The following OSBPL11 variants were observed in gnomAD, a reference collection of about 807,000 sequenced individuals.
OSBPL11 encodes oxysterol-binding protein-related protein 11.
In OSBPL11, 33 loss-of-function variants were observed where a neutral mutation model predicts 84.4. That is an observed-to-expected ratio of 0.39 (90% CI 0.30 to 0.52). OSBPL11 has a LOEUF of 0.52. OSBPL11 is among the 20% of genes least tolerant of loss of function. The pLI is 0.72. For synonymous variants in OSBPL11, 276 were observed against 310.2 expected (o/e 0.89, Z 1.16); for missense variants, 736 against 901.1 (o/e 0.82, Z 2.35).
intron 5 of OSBPL11, among the ~76,000 whole-genome samples, chr3:125,575,877 TAC>T (rs1378503777): frequency 6.6e-6 from 1 of 151,490 alleles, no homozygotes; most frequent in Non-Finnish European, 1.5e-5. Flanking sequence ...TGTTTGGCTA[TAC>T]AGTCTTCCCA....
rs746214268 is a variant in OSBPL11 at position 125,563,820 on chromosome 3, G to C, written c.892C>G (p.Pro298Ala). Reference protein sequence around the residue: ...PSGTTIEWLEPKISLSNHYKN... With the variant: ...PSGTTIEWLEAKISLSNHYKN... ...TAGTGGTTTGATAAAGATATCTTTG[G>C]TTCTAACCACTCGATTGTCGTTCCT... Residue 298 changes from proline (P) to alanine (A), a missense_variant, in exon 7 of 13, where the codon CCA becomes GCA. Coordinates refer to ENST00000296220, the MANE Select transcript of OSBPL11 (RefSeq NM_022776.5). 6.2e-7 allele frequency: 1 copy of C among 1,614,076 alleles called. No homozygotes were observed. Among genetic ancestry groups the C allele is most frequent in the East Asian group, 2.2e-5 (1 of 44,874 alleles).
chr3:125,585,609 G>A (rs1868213), intron 1 of OSBPL11, among the ~76,000 whole-genome samples: 20,956 of 151,112 alleles, frequency 0.14, 1,484 homozygotes, highest in South Asian at 0.18. Context: ...AGTTTCAAAA[G>A]AGGCAGAAAT....
At chr3:125,589,676 G>C (rs1936568981) in intron 1 of OSBPL11, among the ~76,000 whole-genome samples, 1 of 151,074 alleles carries the variant, frequency 6.6e-6, no homozygotes, top group Non-Finnish European at 1.5e-5. Flanking sequence ...CAGAAGAAGA[G>C]GTAAAACCTC....
chr3:125,562,269 TAA>T (rs537991929), intron 7 of OSBPL11, among the ~76,000 whole-genome samples: 3 of 152,224 alleles, frequency 2.0e-5, no homozygotes, highest in South Asian at 2.1e-4. Flanking sequence ...AAGCAGATTA[TAA>T]GTCTCTTCAG....
intron 1 of OSBPL11, among the ~76,000 whole-genome samples, chr3:125,589,632 A>G (rs1001655741): frequency 1.3e-5 from 2 of 151,784 alleles, no homozygotes; most frequent in Non-Finnish European, 2.9e-5. Flanking sequence ...AAAAAAAAAA[A>G]GCAGACATTT....
chr3:125,551,193 A>C (rs1375326202), intron 9 of OSBPL11, among the ~76,000 whole-genome samples: 1 of 147,884 alleles, frequency 6.8e-6, no homozygotes, highest in Non-Finnish European at 1.5e-5. Flanking sequence ...AAATTAAATT[A>C]AATTAAATTA....
intron 7 of OSBPL11, among the ~76,000 whole-genome samples, chr3:125,562,003 T>A (rs1580051489): frequency 6.6e-6 from 1 of 152,178 alleles, no homozygotes; most frequent in East Asian, 1.9e-4. Context: ...TAAACACACA[T>A]GCCTTAGGAT....
At position 125,595,194 on chromosome 3, in the gene OSBPL11, C is replaced by CGGACA. The variant is rs1331909334; in HGVS notation, c.-395_-394insTGTCC. On this transcript the variant is annotated 5_prime_UTR_variant, in exon 1 of 13. Coordinates refer to ENST00000296220, the MANE Select transcript of OSBPL11 (RefSeq NM_022776.5). ...GGACAGGGGACCCGCGGCCTAACCT[C>CGGACA]GGGGCTGACCCGCCGCGCTCCCTCG... 3.7e-5 allele frequency: 6 copies of CGGACA among 161,442 alleles called. No individual in the cohort carries two copies. Among genetic ancestry groups the CGGACA allele is most frequent in the Non-Finnish European group, 8.2e-5 (6 of 73,202 alleles). The allele number at this position is 161,442 out of a possible 1,614,324, so 10.0% of individuals were successfully genotyped here. A position where few individuals can be genotyped will look rare whatever the true frequency, so the allele number is the denominator to read the frequency against.
intron 1 of OSBPL11, among the ~76,000 whole-genome samples, chr3:125,584,246 A>G (rs1228506106): frequency 2.6e-5 from 4 of 151,910 alleles, no homozygotes; most frequent in African/African-American, 9.7e-5. Flanking sequence ...CGTGCCTGTA[A>G]TCCCAGCTAC....
intron 8 of OSBPL11, among the ~76,000 whole-genome samples, chr3:125,554,549 G>T (rs1935960968): frequency 6.6e-6 from 1 of 152,046 alleles, no homozygotes; most frequent in South Asian, 2.1e-4. Flanking sequence ...GTGAGCAGAA[G>T]ATCTGATTTC....
intron 12 of OSBPL11, among the ~76,000 whole-genome samples, chr3:125,531,326 T>C (rs1935552235): frequency 7.8e-6 from 1 of 128,182 alleles, no homozygotes; most frequent in Admixed American, 8.0e-5. Flanking sequence ...AGTTTCACTC[T>C]TGTTGCCCAG....
Position 125,580,033 on chromosome 3 carries a change from C to G in OSBPL11, c.241G>C (p.Val81Leu). The G allele has an allele frequency of 6.2e-7, 1 of 1,601,994 alleles. No homozygotes were observed. The highest frequency in any genetic ancestry group is 2.2e-5 in the East Asian group (1 of 44,804). Residue 81 changes from valine to leucine, a missense_variant, in exon 3 of 13, where the codon GTT becomes CTT. Transcript: ENST00000296220. ...AACAGCCCAGCTTCATTGTTTAAAA[C>G]AAAAAACCTGTAATGATTTTTTAAA... ...LVTGWQYRFF[V>L]LNNEAGLLEY...
intron 9 of OSBPL11, among the ~76,000 whole-genome samples, chr3:125,551,787 A>G (rs1361184496): frequency 6.6e-6 from 1 of 152,068 alleles, no homozygotes; most frequent in Non-Finnish European, 1.5e-5. Flanking sequence ...CAAAAAAAAG[A>G]AAAGAAAACA....
At chr3:125,594,525 T>C (rs1171745069) in intron 1 of OSBPL11, 112 bp downstream of exon 1, 1 of 1,276,734 alleles carries the variant, frequency 7.8e-7, no homozygotes, top group Non-Finnish European at 1.1e-6. Context: ...ATCAGTAGCT[T>C]CTGGAAGCCA....
At chr3:125,592,752 T>C (rs1036013300) in intron 1 of OSBPL11, among the ~76,000 whole-genome samples, 1 of 151,170 alleles carries the variant, frequency 6.6e-6, no homozygotes, top group African/African-American at 2.4e-5. Flanking sequence ...ATAAGAGATA[T>C]CAAGCATATT....
intron 8 of OSBPL11, among the ~76,000 whole-genome samples, chr3:125,559,818 G>A (rs1936048908): frequency 6.6e-6 from 1 of 152,094 alleles, no homozygotes; most frequent in African/African-American, 2.4e-5. Flanking sequence ...CTCCCGAGGA[G>A]AGTGGATCAT....
At chr3:125,564,389 G>A (rs1288461045) in intron 6 of OSBPL11, among the ~76,000 whole-genome samples, 1 of 152,124 alleles carries the variant, frequency 6.6e-6, no homozygotes, top group Admixed American at 6.5e-5. Context: ...TAAACTGAAA[G>A]ACTCTTCTAC....
At position 125,529,534 on chromosome 3, in the gene OSBPL11, G is replaced by A. The variant is rs1935526545; in HGVS notation, c.*981C>T. ...TTTGAATTACTGACAAATATGAATA[G>A]AATCATTTATTTTAATTTTTAACAG... On this transcript the variant is annotated 3_prime_UTR_variant, in exon 13 of 13. Transcript: ENST00000296220. 6.6e-6 allele frequency: 1 copy of A among 151,534 alleles called. No individual in the cohort carries two copies. Among genetic ancestry groups the A allele is most frequent in the South Asian group, 2.1e-4 (1 of 4,790 alleles). The allele number at this position is 151,534 out of a possible 1,614,324, so 9.4% of individuals were successfully genotyped here.
intron 8 of OSBPL11, among the ~76,000 whole-genome samples, chr3:125,555,696 T>C (rs1332140670): frequency 6.6e-6 from 1 of 152,140 alleles, no homozygotes; most frequent in African/African-American, 2.4e-5. Context: ...ATTATCTTTT[T>C]TTTTTTGAGA....
Sources: allele counts gnomAD v4.1 joint callset (sites outside exome capture counted in the v4.1 genomes callset), GRCh38; gene constraint gnomAD v4.1.1; transcripts MANE v1.5; gene names NCBI Gene and HGNC (gene_info 2026-07-23, HGNC 2026-07-21).